CSNK2A1: variants seen among roughly 807,000 people sequenced by gnomAD.
The protein encoded by CSNK2A1 is casein kinase II subunit alpha.
In CSNK2A1, 10 loss-of-function variants were observed where a neutral mutation model predicts 62.9. That is an observed-to-expected ratio of 0.16 (90% CI 0.10 to 0.27). CSNK2A1 has a LOEUF of 0.27. CSNK2A1 is among the 10% of genes least tolerant of loss of function. The pLI, the probability that CSNK2A1 is intolerant of heterozygous loss-of-function variation, is 1.00. For missense variants in CSNK2A1, 160 were observed against 492.0 expected, an observed-to-expected ratio of 0.33 and a Z score of 6.38; for synonymous variants, 124 against 167.8, an observed-to-expected ratio of 0.74 and a Z score of 2.02.
chr20:512,322 CT>C (rs2018739767), intron 2 of CSNK2A1, among the ~76,000 whole-genome samples: 1 of 151,594 alleles, frequency 6.6e-6, no homozygotes, highest in African/African-American at 2.4e-5. Flanking sequence ...TTTTTACATG[CT>C]TATTGGCCAT....
rs552646674 is a variant in CSNK2A1 at position 481,857 on chromosome 20, T to A, written c.*2104A>T. 1.3e-5 allele frequency: 2 copies of A among 152,232 alleles called. No homozygotes were observed. The highest frequency in any genetic ancestry group is 4.1e-4 in the South Asian group (2 of 4,834). The allele number at this position is 152,232 out of a possible 1,614,324, so 9.4% of individuals were successfully genotyped here. On this transcript the variant is annotated 3_prime_UTR_variant, in exon 14 of 14. Transcript: ENST00000217244. ...ATTGCATCTCTGGCACATCTGGTGC[T>A]TTTAGCTTCTGCACAAATTCAACAT... is the stretch of plus-strand genomic sequence containing the variant.
At chr20:486,609 C>T in intron 12 of CSNK2A1, 147 bp from the exon 13 acceptor site, 1 of 729,524 alleles carries the variant, frequency 1.4e-6, no homozygotes, top group Non-Finnish European at 2.1e-6. Flanking sequence ...CAATTGCCTT[C>T]ACCATGAATT....
intron 2 of CSNK2A1, among the ~76,000 whole-genome samples, chr20:526,174 G>A (rs1056767053): frequency 4.6e-5 from 7 of 151,490 alleles, no homozygotes; most frequent in Non-Finnish European, 8.9e-5. Context: ...TACCAATTGA[G>A]TCTTTAAAAA....
intron 13 of CSNK2A1, 64 bp from the exon 14 acceptor site, chr20:484,140 T>C (rs946179618): frequency 1.4e-5 from 18 of 1,294,008 alleles, no homozygotes; most frequent in East Asian, 2.9e-5. Context: ...CAGTTTCTCA[T>C]AGCACTCACT....
chr20:538,043 C>G (rs891980414), intron 1 of CSNK2A1, among the ~76,000 whole-genome samples: 1 of 150,846 alleles, frequency 6.6e-6, no homozygotes, highest in African/African-American at 2.5e-5. Flanking sequence ...CTCACTGCAA[C>G]CAACCTCCGT....
At chr20:496,258 G>A (rs912424664) in intron 7 of CSNK2A1, 1 of 164,650 alleles carries the variant, frequency 6.1e-6, no homozygotes, top group Admixed American at 5.8e-5. Flanking sequence ...TGTAAATAAT[G>A]TTTTATTGCA....
intron 2 of CSNK2A1, among the ~76,000 whole-genome samples, chr20:519,501 C>G (rs1344073665): frequency 2.0e-5 from 3 of 152,190 alleles, no homozygotes; most frequent in African/African-American, 7.2e-5. Flanking sequence ...ATTGCTTGTG[C>G]CCAGGAGTTG....
chr20:495,843 T>C (rs762585335), intron 7 of CSNK2A1, 41 bp from the exon 8 acceptor site: 3 of 1,533,736 alleles, frequency 2.0e-6, no homozygotes, highest in Non-Finnish European at 2.7e-6. Context: ...GCCTGAATAA[T>C]ACGTAAGAGT....
intron 2 of CSNK2A1, among the ~76,000 whole-genome samples, chr20:519,937 CTTTTA>C (rs2018910905): frequency 6.6e-6 from 1 of 152,026 alleles, no homozygotes; most frequent in Non-Finnish European, 1.5e-5. Context: ...TTCTAAAGGT[CTTTTA>C]TTATATGAAA....
intron 2 of CSNK2A1, among the ~76,000 whole-genome samples, chr20:509,176 T>C (rs1389024381): frequency 2.0e-5 from 3 of 152,212 alleles, no homozygotes; most frequent in African/African-American, 7.2e-5. Flanking sequence ...CATGTCATCT[T>C]ATACCAATCC....
At chr20:539,177 C>G (rs2019396506) in intron 1 of CSNK2A1, 1 of 152,200 alleles carries the variant, frequency 6.6e-6, no homozygotes, top group Non-Finnish European at 1.5e-5. Context: ...ACAAACAAAA[C>G]AACACAAATG....
chr20:509,398 A>T (rs1441494488), intron 2 of CSNK2A1, among the ~76,000 whole-genome samples: 1 of 152,232 alleles, frequency 6.6e-6, no homozygotes, highest in Non-Finnish European at 1.5e-5. Flanking sequence ...AGATGTTAGA[A>T]ATATGCTATC....
rs535907831 is a variant in CSNK2A1 at position 479,509 on chromosome 20, T to A, written c.*4452A>T. On this transcript the variant is annotated 3_prime_UTR_variant, in exon 14 of 14. Transcript: ENST00000217244. ...CTTTCTTTATAATTTGGTACATGCCTAAAATGTTTTACAATAACAATTTAA... is the reference window on the plus strand; with the variant it reads ...CTTTCTTTATAATTTGGTACATGCCAAAAATGTTTTACAATAACAATTTAA... The A allele has an allele frequency of 1.3e-5, 2 of 152,338 alleles. No homozygotes were observed. Among genetic ancestry groups the A allele is most frequent in the African/African-American group, 4.8e-5 (2 of 41,576 alleles). The allele number at this position is 152,338 out of a possible 1,614,324, so 9.4% of individuals were successfully genotyped here.
chr20:507,953 C>T (rs1292536303), intron 3 of CSNK2A1: 1 of 152,644 alleles, frequency 6.6e-6, no homozygotes, highest in Non-Finnish European at 1.5e-5. Context: ...TGGCATATTA[C>T]ATACCTAGGG....
Position 488,322 on chromosome 20 carries a change from G to A in CSNK2A1, c.824+356C>T, listed in dbSNP as rs185349202. 1.2e-3 allele frequency: 288 copies of A among 235,494 alleles called. 3 individuals are homozygous for A. The highest frequency in any genetic ancestry group is 6.2e-3 in the African/African-American group (266 of 42,626). The allele number at this position is 235,494 out of a possible 1,614,324, so 14.6% of individuals were successfully genotyped here. ...GCCCAGCCTGCACATCAGTCTTAAA[G>A]CATGCATTTTCTACTTCAATTTCTT... On this transcript the variant is annotated intron_variant, in intron 11 of 13. Transcript: ENST00000217244.
At chr20:493,717 A>G (rs555775589) in intron 8 of CSNK2A1, among the ~76,000 whole-genome samples, 2 of 152,358 alleles carry the variant, frequency 1.3e-5, no homozygotes, top group South Asian at 4.1e-4. Flanking sequence ...GTAAGTTGAT[A>G]TAATCTCCTC....
At chr20:504,467 T>G (rs1011550499) in intron 4 of CSNK2A1, 1 of 152,238 alleles carries the variant, frequency 6.6e-6, no homozygotes, top group Admixed American at 6.5e-5. Flanking sequence ...AGGCCAAATC[T>G]GGCCTGTGCA....
At chr20:506,484 A>G (rs1415909323) in intron 3 of CSNK2A1, 1 of 152,194 alleles carries the variant, frequency 6.6e-6, no homozygotes, top group Non-Finnish European at 1.5e-5. Context: ...CAGAGGTAAT[A>G]AACAGAGGTA....
intron 4 of CSNK2A1, chr20:503,754 T>A: frequency 2.5e-6 from 1 of 398,382 alleles, no homozygotes; most frequent in Non-Finnish European, 4.4e-6. Flanking sequence ...TGACAACATT[T>A]GAAAAGCTAT....
Sources: allele counts gnomAD v4.1 joint callset (sites outside exome capture counted in the v4.1 genomes callset), GRCh38; gene constraint gnomAD v4.1.1; transcripts MANE v1.5; gene names NCBI Gene and HGNC (gene_info 2026-07-23, HGNC 2026-07-21).